Variants in GPHN observed in about 807,000 individuals in gnomAD.
GPHN encodes the protein gephyrin.
Under a neutral mutation model 95.5 loss-of-function variants are expected in GPHN, and 17 were observed. That is an observed-to-expected ratio of 0.18 (90% CI 0.12 to 0.27). The LOEUF is 0.27. GPHN is among the 10% of genes least tolerant of loss of function. GPHN has a pLI of 1.00. For missense variants in GPHN, 660 were observed against 978.1 expected, an observed-to-expected ratio of 0.67 and a Z score of 4.34; for synonymous variants, 320 against 322.5, an observed-to-expected ratio of 0.99 and a Z score of 0.08.
At chr14:67,161,375 C>CT (rs757484627) in intron 19 of GPHN, among the ~76,000 whole-genome samples, 219 of 145,110 alleles carry the variant, frequency 1.5e-3, no homozygotes, top group African/African-American at 3.3e-3. Context: ...GGTATAACTG[C>CT]TTTTTTTTTT....
chr14:67,637,509 A>T, the GPHN span, among the ~76,000 whole-genome samples: 1 of 152,076 alleles, frequency 6.6e-6, no homozygotes, highest in Non-Finnish European at 1.5e-5. Flanking sequence ...TCCTCTTAAA[A>T]AAAAACTGTA....
chr14:66,927,396 G>C (rs190106502), intron 8 of GPHN, among the ~76,000 whole-genome samples: 1 of 150,008 alleles, frequency 6.7e-6, no homozygotes, highest in African/African-American at 2.5e-5. Flanking sequence ...TGTTGATTTT[G>C]TATCCTGCCA....
chr14:67,440,979 A>G, the GPHN span, among the ~76,000 whole-genome samples: 1 of 152,192 alleles, frequency 6.6e-6, no homozygotes, highest in African/African-American at 2.4e-5. Flanking sequence ...CTTGTCTCTA[A>G]GCCCACTTTT....
chr14:67,127,771 AT>A (rs2079424152), intron 17 of GPHN, among the ~76,000 whole-genome samples: 1 of 152,248 alleles, frequency 6.6e-6, no homozygotes, highest in Admixed American at 6.5e-5. Context: ...CAGTAAAAAT[AT>A]TTTAGAAGGT....
At chr14:67,719,742 T>G in the GPHN span, among the ~76,000 whole-genome samples, 1 of 152,216 alleles carries the variant, frequency 6.6e-6, no homozygotes, top group African/African-American at 2.4e-5. Flanking sequence ...TTTCCCAAAG[T>G]GCAGGAATTA....
chr14:67,086,824 G>A (rs2076913747), intron 11 of GPHN, among the ~76,000 whole-genome samples: 1 of 151,292 alleles, frequency 6.6e-6, no homozygotes, highest in African/African-American at 2.4e-5. Flanking sequence ...GGATCATGAG[G>A]TCAGGAGATC....
chr14:67,341,786 G>A, the GPHN span, among the ~76,000 whole-genome samples: 1 of 152,236 alleles, frequency 6.6e-6, no homozygotes, highest in South Asian at 2.1e-4. Flanking sequence ...GATGGTTGCT[G>A]TGTCTGTGTA....
chr14:67,143,394 G>T lies in GPHN; in HGVS notation c.1781G>T (p.Gly594Val), dbSNP rs2080613052. 1.2e-6 allele frequency: 2 copies of T among 1,611,080 alleles called. No homozygotes were observed. Among genetic ancestry groups the T allele is most frequent in the African/African-American group, 2.7e-5 (2 of 74,828 alleles). Residue 594 changes from glycine (G) to valine (V), a missense_variant, in exon 18 of 23, where the codon GGT (glycine) becomes GTT (valine). Gly to Val is a moderately radical substitution (Grantham distance 109). This residue lies in a region of GPHN where 257 missense variants were observed against 376.2 expected (regional missense o/e 0.68). Transcript: ENST00000478722. ...PDDLLNALNE[G>V]ISRADVIITS... The stretch of plus-strand genomic sequence containing the variant: ...GACTTACTCAATGCCTTGAATGAGG[G>T]TATCAGTCGTGCTGATGTCATCATC...
At chr14:67,568,598 AAAAC>A in the GPHN span, among the ~76,000 whole-genome samples, 1 of 152,180 alleles carries the variant, frequency 6.6e-6, no homozygotes, top group Non-Finnish European at 1.5e-5. Flanking sequence ...TGGAACTTAA[AAAAC>A]AAACAAATTA....
chr14:66,598,343 T>C (rs529525014), intron 1 of GPHN, among the ~76,000 whole-genome samples: 1 of 152,304 alleles, frequency 6.6e-6, no homozygotes, highest in South Asian at 2.1e-4. Flanking sequence ...TTAGCCATTC[T>C]ACAGGTATCA....
At chr14:67,056,335 C>T (rs1010270830) in intron 10 of GPHN, among the ~76,000 whole-genome samples, 1 of 151,552 alleles carries the variant, frequency 6.6e-6, no homozygotes, top group African/African-American at 2.4e-5. Flanking sequence ...TAGCTAGACA[C>T]AGAGCACTGA....
chr14:66,754,140 G>A (rs966858096), intron 2 of GPHN, among the ~76,000 whole-genome samples: 1 of 151,784 alleles, frequency 6.6e-6, no homozygotes, highest in African/African-American at 2.4e-5. Flanking sequence ...TCCACTTTTT[G>A]TCTATTATCA....
chr14:66,938,419 CAAATAGGAAA>C (rs1444549315), intron 8 of GPHN, among the ~76,000 whole-genome samples: 7 of 152,222 alleles, frequency 4.6e-5, no homozygotes, highest in Middle Eastern at 6.8e-3. Context: ...CTACTCCAAA[CAAATAGGAAA>C]AGAAATTTCC....
the GPHN span, chr14:67,471,337 G>A: frequency 1.3e-5 from 2 of 152,320 alleles, no homozygotes; most frequent in Non-Finnish European, 2.9e-5. Flanking sequence ...GTGTGAAGGT[G>A]GGTAGTGTGG....
rs955898297 is a variant in GPHN, at chr14:67,022,689, C to A, written c.964-944C>A. On this transcript the variant is annotated intron_variant, in intron 9 of 22. Transcript: ENST00000478722. ...ATTGTTTTTTTCAGGGAAGGACAAC[C>A]ATAACCCACCCTAAGTTGCAACATT... 8.0e-5 allele frequency among the ~76,000 whole-genome samples: 12 copies of A among 149,094 alleles called. No homozygotes were observed. In the East Asian group the frequency reaches 2.4e-3, roughly 29 times the overall value.
At chr14:66,861,116 C>T (rs2063006479) in intron 4 of GPHN, among the ~76,000 whole-genome samples, 1 of 151,970 alleles carries the variant, frequency 6.6e-6, no homozygotes, top group African/African-American at 2.4e-5. Flanking sequence ...AAACAAGACT[C>T]AATGTTCTGT....
chr14:67,615,737 C>A, the GPHN span: 12 of 479,460 alleles, frequency 2.5e-5, no homozygotes, highest in South Asian at 2.3e-4. Flanking sequence ...AAAGGGGAGA[C>A]AAAAAAAGTT....
the GPHN span, among the ~76,000 whole-genome samples, chr14:67,503,310 A>C: frequency 2.3e-4 from 35 of 152,360 alleles, no homozygotes; most frequent in African/African-American, 7.2e-4. Context: ...AGTGCCCTTC[A>C]GGCAGTGGAA....
intron 1 of GPHN, among the ~76,000 whole-genome samples, chr14:66,636,519 A>T (rs533769478): frequency 6.6e-6 from 1 of 152,098 alleles, no homozygotes; most frequent in Non-Finnish European, 1.5e-5. Context: ...ATAAAAAACT[A>T]TAGTTGAGTT....
Sources: allele counts gnomAD v4.1 joint callset (sites outside exome capture counted in the v4.1 genomes callset), GRCh38; gene constraint gnomAD v4.1.1; regional missense constraint gnomAD v4.1.1; transcripts MANE v1.5; gene names NCBI Gene and HGNC (gene_info 2026-07-23, HGNC 2026-07-21).